The following ARL17B variants were observed in gnomAD, a reference collection of about 807,000 sequenced individuals.
ARL17B encodes ARF like GTPase 17B.
intron 4 of ARL17B, among the ~76,000 whole-genome samples, chr17:46,277,938 G>C: frequency 6.6e-6 from 1 of 151,648 alleles, no homozygotes. Context: ...CACCATGCCT[G>C]GTCTGGGTAG....
At chr17:46,280,170 C>T (rs868049560) in intron 4 of ARL17B, among the ~76,000 whole-genome samples, 2 of 152,002 alleles carry the variant, frequency 1.3e-5, no homozygotes, top group African/African-American at 4.8e-5. Context: ...TTGAGACCAG[C>T]TTGGCCAACA....
intron 4 of ARL17B, among the ~76,000 whole-genome samples, chr17:46,285,655 C>G (rs2732618): frequency 1.3e-5 from 2 of 151,802 alleles, no homozygotes; most frequent in Admixed American, 6.6e-5. Context: ...AAGTGAGTCA[C>G]GTTAGATTAT....
chr17:46,288,425 C>G (rs1324781701), intron 4 of ARL17B, among the ~76,000 whole-genome samples: 1 of 151,102 alleles, frequency 6.6e-6, no homozygotes, highest in African/African-American at 2.4e-5. Flanking sequence ...TCTCTTGCCT[C>G]AGCTTCCCAA....
chr17:46,335,687 C>A lies in ARL17B; in HGVS notation c.*3813G>T. 2 of 127,018 alleles carry A rather than the reference C, an allele frequency of 1.6e-5. No homozygotes were observed. Among genetic ancestry groups the A allele is most frequent in the African/African-American group, 4.5e-5 (2 of 44,692 alleles). 7.9% of individuals were successfully genotyped at this position (127,018 alleles called of 1,614,324 possible). ...CTGGAGTGCAATGACACGATCTCGG[C>A]TCACGGCAACCTCCACTTCCCAGGT... On this transcript the variant is annotated 3_prime_UTR_variant, in exon 4 of 4. Coordinates refer to ENST00000450673, the MANE Select transcript of ARL17B (RefSeq NM_001039083.5).
chr17:46,282,477 C>T (rs1340832163), intron 4 of ARL17B, among the ~76,000 whole-genome samples: 20 of 150,978 alleles, frequency 1.3e-4, no homozygotes, highest in Non-Finnish European at 2.8e-4. Flanking sequence ...TGGAGTGGCT[C>T]GATCATAGTT....
intron 4 of ARL17B, among the ~76,000 whole-genome samples, chr17:46,284,932 CG>C (rs2049864470): frequency 6.6e-6 from 1 of 152,208 alleles, no homozygotes; most frequent in Non-Finnish European, 1.5e-5. Context: ...TGGAGTGGCA[CG>C]ATCATAGCTC....
intron 4 of ARL17B, chr17:46,275,485 T>C: frequency 2.9e-6 from 2 of 682,744 alleles, no homozygotes; most frequent in Non-Finnish European, 5.0e-6. Flanking sequence ...TTTATGCGGA[T>C]GCCAAAGTAA....
chr17:46,285,344 G>A (rs1350457115), intron 4 of ARL17B, among the ~76,000 whole-genome samples: 1 of 151,008 alleles, frequency 6.6e-6, no homozygotes, highest in African/African-American at 2.4e-5. Context: ...GTGTTCAAGC[G>A]ATTCTCCTGC....
At chr17:46,275,066 AT>A (rs113600189) in exon 5 of ARL17B, 21,838 of 169,334 alleles carry the variant, frequency 0.13, 1 homozygote, top group Middle Eastern at 0.22. Context: ...CTAATTTTGT[AT>A]TTTTGGTAGA....
intron 4 of ARL17B, among the ~76,000 whole-genome samples, chr17:46,292,182 ATT>A (rs2050091414): frequency 1.3e-5 from 1 of 79,164 alleles, no homozygotes; most frequent in African/African-American, 3.2e-5. Context: ...AAATACAAAA[ATT>A]GGCTGGGTGT....
At chr17:46,287,419 G>A (rs1293447915) in intron 4 of ARL17B, among the ~76,000 whole-genome samples, 1 of 152,180 alleles carries the variant, frequency 6.6e-6, no homozygotes, top group Non-Finnish European at 1.5e-5. Context: ...ATTTAAATTT[G>A]AAAACAAAGC....
In ARL17B at chr17:46,322,850, A is replaced by G; in HGVS notation, c.260-23185T>C. 2 of 285,178 alleles carry G rather than the reference A, an allele frequency of 7.0e-6. 1 individual carries two copies. The highest frequency in any genetic ancestry group is 5.1e-5 in the African/African-American group (2 of 39,042). 17.7% of individuals were successfully genotyped at this position (285,178 alleles called of 1,614,324 possible). On this transcript the variant is annotated intron_variant, in intron 3 of 4. Coordinates refer to the ARL17B transcript ENST00000434041. ...CTCCCTGGAATTCTACAGCAAATAA[A>G]GTCTTGAGCTGGCTTGTTTAATAGA...
At chr17:46,277,464 A>G (rs1394613915) in intron 4 of ARL17B, among the ~76,000 whole-genome samples, 6 of 152,180 alleles carry the variant, frequency 3.9e-5, no homozygotes, top group Non-Finnish European at 7.3e-5. Flanking sequence ...TAAAAAAGCA[A>G]TTTTAGAAAT....
rs1361349103 is a variant in ARL17B, at chr17:46,307,794, C to T, written c.260-8129G>A. Among the ~76,000 whole-genome samples the T allele has an allele frequency of 2.5e-5, 2 of 78,998 alleles. 1 individual carries two copies. The highest frequency in any genetic ancestry group is 6.3e-5 in the African/African-American group (2 of 31,714). The allele number at this position is 78,998 out of a possible 152,430, so 51.8% of individuals were successfully genotyped here. On this transcript the variant is annotated intron_variant, in intron 3 of 4. Coordinates refer to the ARL17B transcript ENST00000434041. The stretch of plus-strand genomic sequence containing the variant: ...GCACTTTGCTGAGGTGGGTGGATCA[C>T]CTGAGGTCAGGAGTTCAAGACCAGC...
chr17:46,283,722 G>C (rs2049831859), intron 4 of ARL17B, among the ~76,000 whole-genome samples: 2 of 152,116 alleles, frequency 1.3e-5, no homozygotes, highest in African/African-American at 4.8e-5. Flanking sequence ...AGAAATAAGG[G>C]GGCCCAGGGT....
chr17:46,283,569 C>T (rs2957308), intron 4 of ARL17B, among the ~76,000 whole-genome samples: 2 of 152,234 alleles, frequency 1.3e-5, no homozygotes, highest in African/African-American at 4.8e-5. Flanking sequence ...TGAGCTTCCT[C>T]TGCAATAATG....
rs1199032296 is a variant in ARL17B at position 46,340,216 on chromosome 17, CT to C, written c.260-443del. 4.8e-4 allele frequency among the ~76,000 whole-genome samples: 39 copies of C among 81,372 alleles called. No homozygotes were observed. The East Asian group carries it at 6.4e-3, about 13-fold the overall frequency. The allele number at this position is 81,372 out of a possible 152,430, so 53.4% of individuals were successfully genotyped here. ...TCAGGAGTTTTGTTTGTTTTTTTTT[CT>C]TTTTTTTTTTCTTTTAAGGTGGAGT... On this transcript the variant is annotated intron_variant, in intron 3 of 3. Coordinates refer to ENST00000450673, the MANE Select transcript of ARL17B (RefSeq NM_001039083.5).
chr17:46,304,835 A>C lies in ARL17B; in HGVS notation c.260-5170T>G, dbSNP rs1221009658. ...AAGTGGCTTAGGAAAACAGACCTAA[A>C]CTAAGAAGGTGTAGAAATGTGAGAC... On this transcript the variant is annotated intron_variant, in intron 3 of 4. Coordinates refer to the ARL17B transcript ENST00000434041. Among the ~76,000 whole-genome samples, 2 of 58,986 alleles carry C rather than the reference A, an allele frequency of 3.4e-5. 1 individual carries two copies. Among genetic ancestry groups the C allele is most frequent in the Non-Finnish European group, 1.1e-4 (2 of 18,216 alleles). The allele number at this position is 58,986 out of a possible 152,430, so 38.7% of individuals were successfully genotyped here.
chr17:46,286,907 C>T (rs1311371649), intron 4 of ARL17B, among the ~76,000 whole-genome samples: 2 of 152,216 alleles, frequency 1.3e-5, no homozygotes, highest in African/African-American at 2.4e-5. Flanking sequence ...TCCTTTTCTG[C>T]GATGCCAACA....
Sources: allele counts gnomAD v4.1 joint callset (sites outside exome capture counted in the v4.1 genomes callset), GRCh38; gene constraint gnomAD v4.1.1; transcripts MANE v1.5; gene names NCBI Gene and HGNC (gene_info 2026-07-23, HGNC 2026-07-21).